Variants in HERC3 observed in about 807,000 individuals in gnomAD.
HERC3 encodes HECT and RLD domain containing E3 ubiquitin protein ligase 3.
Under a neutral mutation model 129.9 loss-of-function variants are expected in HERC3, and 58 were observed. That is an observed-to-expected ratio of 0.45 (90% CI 0.36 to 0.56). The LOEUF is 0.56. Ranked by LOEUF, HERC3 falls within the 20% of genes least tolerant of loss-of-function variation. The probability of loss-of-function intolerance (pLI) is 0.00; values close to 1 mark genes in which losing one functional copy is unlikely to be tolerated. For missense variants in HERC3, 835 were observed against 1,244.2 expected (o/e 0.67, Z 4.95); for synonymous variants, 430 against 451.0 (o/e 0.95, Z 0.59).
upstream of HERC3, chr4:88,592,462 G>T (rs1560647697): frequency 6.6e-6 from 1 of 152,480 alleles, no homozygotes; most frequent in East Asian, 1.9e-4. Flanking sequence ...GCCGCCCGCA[G>T]GCTTGCGGGG....
At chr4:88,614,837 C>T (rs958432406) in intron 3 of HERC3, among the ~76,000 whole-genome samples, 4 of 152,120 alleles carry the variant, frequency 2.6e-5, no homozygotes, top group Admixed American at 6.5e-5. Context: ...CAGATCCCAC[C>T]CTTTGGGCAT....
intron 7 of HERC3, 79 bp from the exon 8 acceptor site, chr4:88,655,095 G>T: frequency 6.8e-7 from 1 of 1,462,046 alleles, no homozygotes; most frequent in African/African-American, 1.4e-5. Flanking sequence ...ACATTGTTGT[G>T]ATAGGCATTT....
chr4:88,592,901 C>G (rs1721874567), intron 1 of HERC3, among the ~76,000 whole-genome samples: 1 of 151,936 alleles, frequency 6.6e-6, no homozygotes, highest in African/African-American at 2.4e-5. Flanking sequence ...CGCGCTCGGC[C>G]GCCCTCCCGC....
At chr4:88,657,119 G>A (rs1205262879) in intron 9 of HERC3, 1 of 152,152 alleles carries the variant, frequency 6.6e-6, no homozygotes, top group Non-Finnish European at 1.5e-5. Context: ...CTGAAATGGA[G>A]CTAGAGAATC....
the HERC3 span, among the ~76,000 whole-genome samples, chr4:88,559,018 C>T: frequency 6.7e-6 from 1 of 149,280 alleles, no homozygotes; most frequent in African/African-American, 2.5e-5. Flanking sequence ...CTTAAAAATA[C>T]ATTTCATTGT....
At chr4:88,537,155 G>A in the HERC3 span, among the ~76,000 whole-genome samples, 1 of 152,062 alleles carries the variant, frequency 6.6e-6, no homozygotes, top group African/African-American at 2.4e-5. Flanking sequence ...CAATATTACT[G>A]TATAATTTAT....
At chr4:88,635,434 A>G (rs1727271153) in intron 3 of HERC3, among the ~76,000 whole-genome samples, 1 of 152,054 alleles carries the variant, frequency 6.6e-6, no homozygotes, top group Non-Finnish European at 1.5e-5. Context: ...GAAATAAGGC[A>G]GGCAGACAAG....
chr4:88,593,740 A>AT (rs1722016123), intron 1 of HERC3, among the ~76,000 whole-genome samples: 1 of 152,244 alleles, frequency 6.6e-6, no homozygotes, highest in South Asian at 2.1e-4. Flanking sequence ...TTATTTGATG[A>AT]TTAGATAAGA....
At chr4:88,662,207 T>C (rs1396423290) in intron 10 of HERC3, among the ~76,000 whole-genome samples, 1 of 152,156 alleles carries the variant, frequency 6.6e-6, no homozygotes, top group Non-Finnish European at 1.5e-5. Context: ...CTACCTGCCA[T>C]TGGATGTGAT....
In HERC3 at chr4:88,649,609, T is replaced by C. The variant is rs372447166; in HGVS notation, c.227-231T>C. ...CAGGGAACATCTGGGATGTGTGTGC[T>C]ACTATAGTTATAGTATATACTATAG... On this transcript the variant is annotated intron_variant, in intron 3 of 25. Coordinates refer to ENST00000402738, the MANE Select transcript of HERC3 (RefSeq NM_014606.3). Among the ~76,000 whole-genome samples the C allele has an allele frequency of 7.9e-5, 12 of 152,326 alleles. No individual in the cohort carries two copies. In the East Asian group the frequency reaches 2.1e-3, roughly 27 times the overall value.
At chr4:88,545,092 C>G in the HERC3 span, among the ~76,000 whole-genome samples, 1 of 152,052 alleles carries the variant, frequency 6.6e-6, no homozygotes, top group African/African-American at 2.4e-5. Flanking sequence ...CTCTGAGGCA[C>G]TGGGGGTTAG....
At chr4:88,627,544 C>T (rs188830249) in intron 3 of HERC3, among the ~76,000 whole-genome samples, 42 of 152,060 alleles carry the variant, frequency 2.8e-4, no homozygotes, top group Non-Finnish European at 4.6e-4. Context: ...CTATGGGGGG[C>T]CCTGGAACCA....
chr4:88,665,979 GGGACTTGCTATTGGC>G (rs1306731446), intron 12 of HERC3, among the ~76,000 whole-genome samples: 1 of 152,182 alleles, frequency 6.6e-6, no homozygotes, highest in Non-Finnish European at 1.5e-5. Flanking sequence ...ACAATGGGGA[GGGACTTGCTATTGGC>G]ATCCAGTGGG....
At chr4:88,607,006 AT>A (rs1405279681) in intron 3 of HERC3, among the ~76,000 whole-genome samples, 2 of 152,204 alleles carry the variant, frequency 1.3e-5, no homozygotes, top group East Asian at 3.9e-4. Context: ...AAGCAATGCG[AT>A]TGCTGTTATG....
chr4:88,580,629 TTA>T, the HERC3 span, among the ~76,000 whole-genome samples: 2 of 152,200 alleles, frequency 1.3e-5, no homozygotes, highest in Non-Finnish European at 1.5e-5. Flanking sequence ...CAAGTTAACC[TTA>T]TATGAGGGTT....
At chr4:88,666,174 G>A (rs10516815) in intron 12 of HERC3, among the ~76,000 whole-genome samples, 8,089 of 152,188 alleles carry the variant, frequency 0.053, 310 homozygotes, top group Middle Eastern at 0.12. Context: ...TTCATCCTTA[G>A]TATCACAGAT....
intron 2 of HERC3, among the ~76,000 whole-genome samples, chr4:88,601,221 G>A (rs1403660742): frequency 6.6e-6 from 1 of 152,162 alleles, no homozygotes; most frequent in African/African-American, 2.4e-5. Flanking sequence ...TTTATTTTGG[G>A]CCTTTTCATG....
At chr4:88,554,382 A>G in the HERC3 span, among the ~76,000 whole-genome samples, 1 of 152,096 alleles carries the variant, frequency 6.6e-6, no homozygotes, top group Middle Eastern at 3.4e-3. Flanking sequence ...TGGCAATACC[A>G]ATTATAGATT....
chr4:88,570,984 T>C, the HERC3 span, among the ~76,000 whole-genome samples: 1 of 151,966 alleles, frequency 6.6e-6, no homozygotes, highest in Non-Finnish European at 1.5e-5. Context: ...GGTCTCCATC[T>C]CCTGACCTTG....
Sources: allele counts gnomAD v4.1 joint callset (sites outside exome capture counted in the v4.1 genomes callset), GRCh38; gene constraint gnomAD v4.1.1; transcripts MANE v1.5; gene names NCBI Gene and HGNC (gene_info 2026-07-23, HGNC 2026-07-21).